NOVA2: variants seen among roughly 807,000 people sequenced by gnomAD.
NOVA2 encodes RNA-binding protein Nova-2.
A neutral mutation model predicts 22.5 loss-of-function variants in NOVA2; 9 were observed. The ratio of observed to expected loss-of-function variants is 0.40; its 90% CI spans 0.24 to 0.70. NOVA2 has a LOEUF of 0.70. NOVA2 is among the 30% of genes least tolerant of loss of function. The probability of loss-of-function intolerance (pLI) is 0.38; values close to 1 mark genes in which losing one functional copy is unlikely to be tolerated. For synonymous variants in NOVA2, 318 were observed against 335.2 expected (o/e 0.95, Z 0.56); for missense variants, 383 against 682.8 (o/e 0.56, Z 4.89).
At chr19:45,966,685 C>T (rs1421957776) in intron 1 of NOVA2, among the ~76,000 whole-genome samples, 1 of 152,140 alleles carries the variant, frequency 6.6e-6, no homozygotes, top group Admixed American at 6.5e-5. Flanking sequence ...CGAGACCAGC[C>T]TGACCAACAT....
intron 3 of NOVA2, among the ~76,000 whole-genome samples, chr19:45,949,244 A>G (rs1967886845): frequency 6.6e-6 from 1 of 152,024 alleles, no homozygotes; most frequent in African/African-American, 2.4e-5. Flanking sequence ...TGAACATACA[A>G]CAAAACTACT....
Position 45,935,893 on chromosome 19 carries a change from G to A in NOVA2, c.*3970C>T, listed in dbSNP as rs1377594995. The A allele has an allele frequency of 2.6e-5, 4 of 152,188 alleles. No individual in the cohort carries two copies. The highest frequency in any genetic ancestry group is 9.7e-5 in the African/African-American group (4 of 41,444). 9.4% of individuals were successfully genotyped at this position (152,188 alleles called of 1,614,324 possible). ...GCGACACCCTGGTGTTCCAAGTAGA[G>A]GTCCCCAACCATCTATAGGTCGGCT... On this transcript the variant is annotated 3_prime_UTR_variant, in exon 4 of 4. Coordinates refer to ENST00000263257, the MANE Select transcript of NOVA2 (RefSeq NM_002516.4).
At chr19:45,947,968 C>G (rs1406508380) in intron 3 of NOVA2, among the ~76,000 whole-genome samples, 3 of 152,122 alleles carry the variant, frequency 2.0e-5, no homozygotes, top group Admixed American at 6.6e-5. Flanking sequence ...AGGGACCTAA[C>G]CTCTTTGAGA....
chr19:45,955,835 C>T (rs537724026), intron 2 of NOVA2, among the ~76,000 whole-genome samples: 34 of 150,632 alleles, frequency 2.3e-4, no homozygotes, highest in Non-Finnish European at 3.2e-4. Flanking sequence ...TCCAGCCTGG[C>T]GGCAGAGCGG....
chr19:45,953,349 T>C (rs1231174419), intron 3 of NOVA2, among the ~76,000 whole-genome samples: 2 of 152,092 alleles, frequency 1.3e-5, no homozygotes, highest in Non-Finnish European at 2.9e-5. Flanking sequence ...ACGTTAATTA[T>C]GGAGGGAAGG....
Position 45,936,747 on chromosome 19 carries a change from T to G in NOVA2, c.*3116A>C, listed in dbSNP as rs1020860170. On this transcript the variant is annotated 3_prime_UTR_variant, in exon 4 of 4. Transcript: ENST00000263257. The stretch of plus-strand genomic sequence containing the variant: ...GGGAGGAAGACACTTGGAGAAGGTA[T>G]GGGAAGCTAGAGGGCAAATGAGAAG... 1 of 151,852 alleles carries G rather than the reference T, an allele frequency of 6.6e-6. No homozygotes were observed. The highest frequency in any genetic ancestry group is 1.9e-4 in the East Asian group (1 of 5,170). 9.4% of individuals were successfully genotyped at this position (151,852 alleles called of 1,614,324 possible). A position where few individuals can be genotyped will look rare whatever the true frequency, so the allele number is the denominator to read the frequency against.
Position 45,940,408 on chromosome 19 carries a change from C to T in NOVA2, c.934G>A (p.Val312Met), listed in dbSNP as rs1967731389. 1.4e-6 allele frequency: 2 copies of T among 1,466,008 alleles called. No homozygotes were observed. The highest frequency in any genetic ancestry group is 9.1e-7 in the Non-Finnish European group (1 of 1,104,722). 90.8% of individuals were successfully genotyped at this position (1,466,008 alleles called of 1,614,324 possible). ...SAAASGVLAAVAAGANPAAAA... is the reference protein window; with the variant it reads ...SAAASGVLAAMAAGANPAAAA... ...GCTGCTGGGTTGGCCCCGGCGGCCA[C>T]GGCGGCCAGGACGCCGGAAGCTGCG... Residue 312 changes from valine (V) to methionine (M), a missense_variant, in exon 4 of 4, where the codon GTG becomes ATG. By Grantham distance (21) the Val-to-Met change is conservative. This residue lies in a region of NOVA2 where 349 missense variants were observed against 578.1 expected (regional missense o/e 0.60). Coordinates refer to ENST00000263257, the MANE Select transcript of NOVA2 (RefSeq NM_002516.4).
chr19:45,958,374 AGAGT>A (rs1323249100), intron 2 of NOVA2, among the ~76,000 whole-genome samples: 1 of 140,236 alleles, frequency 7.1e-6, no homozygotes, highest in East Asian at 2.1e-4. Flanking sequence ...TGTGTGTGTG[AGAGT>A]GTGTGTGTGT....
chr19:45,951,957 T>G (rs1165809184), intron 3 of NOVA2, among the ~76,000 whole-genome samples: 1 of 152,202 alleles, frequency 6.6e-6, no homozygotes, highest in Non-Finnish European at 1.5e-5. Context: ...GCTTCTCCCT[T>G]TAAAGATGGC....
intron 1 of NOVA2, among the ~76,000 whole-genome samples, chr19:45,970,643 T>C (rs1968221878): frequency 6.6e-6 from 1 of 152,156 alleles, no homozygotes; most frequent in Non-Finnish European, 1.5e-5. Flanking sequence ...ATCAAAGTGC[T>C]GGGATTACAG....
chr19:45,964,270 C>T (rs1968138671), intron 1 of NOVA2, among the ~76,000 whole-genome samples: 1 of 150,414 alleles, frequency 6.6e-6, no homozygotes, highest in Non-Finnish European at 1.5e-5. Context: ...ACCTCCGCCT[C>T]CCGGGTTCAA....
intron 1 of NOVA2, among the ~76,000 whole-genome samples, chr19:45,966,024 G>A (rs1473668495): frequency 2.6e-5 from 4 of 152,062 alleles, no homozygotes; most frequent in African/African-American, 9.7e-5. Context: ...CACCCTATAC[G>A]TGGGGTTTGG....
intron 1 of NOVA2, among the ~76,000 whole-genome samples, chr19:45,966,608 T>C (rs555004569): frequency 6.6e-6 from 1 of 152,144 alleles, no homozygotes; most frequent in South Asian, 2.1e-4. Context: ...CCGGGTGTGG[T>C]GGCTCACACC....
intron 3 of NOVA2, among the ~76,000 whole-genome samples, chr19:45,944,191 G>A (rs571281414): frequency 1.3e-5 from 2 of 152,140 alleles, no homozygotes; most frequent in African/African-American, 2.4e-5. Flanking sequence ...CTGTAATCCC[G>A]GCACTTTGGG....
At chr19:45,958,610 C>T (rs527391912) in intron 2 of NOVA2, among the ~76,000 whole-genome samples, 30 of 148,788 alleles carry the variant, frequency 2.0e-4, no homozygotes, top group African/African-American at 5.0e-4. Flanking sequence ...TGACAGTGTG[C>T]GTGTCAGCGT....
In NOVA2 at chr19:45,958,471, T is replaced by TGA. The variant is rs374876000; in HGVS notation, c.229+2537_229+2538dup. On this transcript the variant is annotated intron_variant, in intron 2 of 3. Coordinates refer to ENST00000263257, the MANE Select transcript of NOVA2 (RefSeq NM_002516.4). Reference sequence around the variant, plus strand: ...GACAATGTGTGTGTAAGCGTGTGTGTGAGTGGGATGTGTGTGAATGAGTGT... The same window carrying TGA: ...GACAATGTGTGTGTAAGCGTGTGTGTGAGAGTGGGATGTGTGTGAATGAGTGT... Among the ~76,000 whole-genome samples, 313 of 150,750 alleles carry TGA rather than the reference T, an allele frequency of 2.1e-3. 1 individual carries two copies. Among genetic ancestry groups the TGA allele is most frequent in the African/African-American group, 7.5e-3 (305 of 40,922 alleles).
At chr19:45,959,195 AT>A (rs1455165255) in intron 2 of NOVA2, among the ~76,000 whole-genome samples, 6 of 151,792 alleles carry the variant, frequency 4.0e-5, no homozygotes, top group Admixed American at 2.6e-4. Context: ...TAGCTTTTCC[AT>A]TTTCCTACAT....
intron 2 of NOVA2, among the ~76,000 whole-genome samples, chr19:45,958,725 CTG>C (rs1968051991): frequency 6.6e-6 from 1 of 152,156 alleles, no homozygotes. Context: ...AGTTTCTCCA[CTG>C]TCATTTCTCA....
chr19:45,965,879 A>G (rs563556604), intron 1 of NOVA2, among the ~76,000 whole-genome samples: 6 of 152,356 alleles, frequency 3.9e-5, no homozygotes, highest in African/African-American at 1.4e-4. Context: ...TGAAATGAGG[A>G]AATGTAAGGA....
Sources: gnomAD v4.1 joint callset for allele counts (sites outside exome capture counted in the v4.1 genomes callset) on GRCh38, gnomAD v4.1.1 for gene constraint, gnomAD v4.1.1 regional missense constraint, MANE v1.5 for transcripts, NCBI Gene and HGNC (gene_info 2026-07-23, HGNC 2026-07-21) for gene names.